The following PTPRG variants were observed in gnomAD, a reference collection of about 807,000 sequenced individuals.
PTPRG encodes protein tyrosine phosphatase receptor type G.
PTPRG carries 102 observed loss-of-function variants against 165.3 expected under a neutral mutation model. The ratio of observed to expected loss-of-function variants is 0.62; its 90% CI spans 0.53 to 0.73. PTPRG has a LOEUF of 0.73. Ranked by LOEUF, PTPRG falls within the 30% of genes least tolerant of loss-of-function variation. PTPRG has a pLI of 0.00. For synonymous variants in PTPRG, 675 were observed against 669.5 expected (o/e 1.01, Z -0.13); for missense variants, 1,866 against 1,861.4 (o/e 1.00, Z -0.05).
At chr3:62,020,287 G>T (rs935648091) in intron 4 of PTPRG, among the ~76,000 whole-genome samples, 3 of 152,034 alleles carry the variant, frequency 2.0e-5, no homozygotes, top group African/African-American at 7.2e-5. Context: ...GCATTCTACA[G>T]ATTTTTCACA....
At chr3:62,199,566 G>T (rs1192396177) in intron 10 of PTPRG, among the ~76,000 whole-genome samples, 1 of 152,082 alleles carries the variant, frequency 6.6e-6, no homozygotes, top group Non-Finnish European at 1.5e-5. Context: ...AATATTGGTG[G>T]CAAATTCTGT....
chr3:61,733,334 G>T (rs540388932), intron 1 of PTPRG, among the ~76,000 whole-genome samples: 1 of 152,032 alleles, frequency 6.6e-6, no homozygotes, highest in East Asian at 1.9e-4. Context: ...CTTCCTTTCC[G>T]TTTCTCTATC....
intron 1 of PTPRG, among the ~76,000 whole-genome samples, chr3:61,661,949 T>C (rs1702680544): frequency 6.6e-6 from 1 of 152,074 alleles, no homozygotes; most frequent in Admixed American, 6.6e-5. Context: ...TCATCAAGTA[T>C]TTTTTTTCTT....
At chr3:61,936,610 A>C (rs1250184511) in intron 2 of PTPRG, among the ~76,000 whole-genome samples, 2 of 152,176 alleles carry the variant, frequency 1.3e-5, no homozygotes, top group Admixed American at 6.5e-5. Flanking sequence ...CTGTGTGTTG[A>C]GATGGGCTAA....
intron 9 of PTPRG, among the ~76,000 whole-genome samples, chr3:62,194,546 G>C (rs1699913188): frequency 6.6e-6 from 1 of 152,316 alleles, no homozygotes; most frequent in African/African-American, 2.4e-5. Flanking sequence ...GGGCAGGCAG[G>C]GTGGCTCACG....
intron 2 of PTPRG, among the ~76,000 whole-genome samples, chr3:61,976,652 C>A (rs2040513445): frequency 6.6e-6 from 1 of 151,652 alleles, no homozygotes; most frequent in African/African-American, 2.4e-5. Flanking sequence ...TATAACATCA[C>A]ATGGAAAAGA....
intron 2 of PTPRG, among the ~76,000 whole-genome samples, chr3:61,978,553 A>G (rs1355668771): frequency 2.6e-5 from 4 of 152,196 alleles, no homozygotes; most frequent in Admixed American, 6.5e-5. Context: ...ATTCTTTCGT[A>G]TTATAAACAT....
At chr3:62,073,520 C>T (rs982100070) in intron 4 of PTPRG, among the ~76,000 whole-genome samples, 2 of 151,992 alleles carry the variant, frequency 1.3e-5, no homozygotes, top group Admixed American at 6.6e-5. Flanking sequence ...ACTCTGTTGC[C>T]GAGGCTGGAG....
chr3:62,154,837 C>A (rs1263792461), intron 6 of PTPRG, among the ~76,000 whole-genome samples: 1 of 152,174 alleles, frequency 6.6e-6, no homozygotes, highest in African/African-American at 2.4e-5. Context: ...AGTTCACCTA[C>A]AACATGAGGG....
At chr3:61,762,158 C>G (rs1248755087) in intron 2 of PTPRG, among the ~76,000 whole-genome samples, 1 of 152,172 alleles carries the variant, frequency 6.6e-6, no homozygotes, top group African/African-American at 2.4e-5. Context: ...GGTCCACACT[C>G]TCCTCTTGGG....
intron 17 of PTPRG, among the ~76,000 whole-genome samples, chr3:62,264,842 A>G (rs551645441): frequency 6.6e-6 from 1 of 152,090 alleles, no homozygotes; most frequent in African/African-American, 2.4e-5. Flanking sequence ...TGGTAATTCT[A>G]TGTTTAAAAT....
chr3:62,239,341 CTTTCTTTCTTT>C (rs1278856656), intron 14 of PTPRG, among the ~76,000 whole-genome samples: 44 of 144,496 alleles, frequency 3.0e-4, no homozygotes, highest in East Asian at 1.6e-3. Context: ...TTTTTTCTTT[CTTTCTTTCTTT>C]TTTCTTTCTT....
intron 2 of PTPRG, among the ~76,000 whole-genome samples, chr3:61,798,861 A>C (rs145970330): frequency 1.3e-5 from 2 of 152,008 alleles, no homozygotes; most frequent in Admixed American, 1.3e-4. Flanking sequence ...AACAGACCAG[A>C]GGCATGGTGA....
Position 62,157,238 on chromosome 3 carries a change from C to A in PTPRG, c.840+14C>A. Reference sequence around the variant, plus strand: ...TCTTACCATCAGGTAGATATTCTTCCTCAAGTGGGGTTTCTGTGTTTACTT... The same window carrying A: ...TCTTACCATCAGGTAGATATTCTTCATCAAGTGGGGTTTCTGTGTTTACTT... On this transcript the variant is annotated intron_variant, in intron 7 of 29. Transcript: ENST00000474889. 1 of 1,609,984 alleles carries A rather than the reference C, an allele frequency of 6.2e-7. No homozygotes were observed.
chr3:61,748,823 C>T (rs1318378669), intron 1 of PTPRG, 55 bp from the exon 2 acceptor site: 2 of 1,440,150 alleles, frequency 1.4e-6, no homozygotes, highest in East Asian at 2.3e-5. Flanking sequence ...TGACACCCTT[C>T]CTGTATCCAG....
intron 2 of PTPRG, among the ~76,000 whole-genome samples, chr3:61,909,073 T>G (rs1334263046): frequency 6.6e-6 from 1 of 152,216 alleles, no homozygotes; most frequent in Non-Finnish European, 1.5e-5. Flanking sequence ...ACTGGGTACT[T>G]TTAATGGCAA....
At chr3:62,023,640 T>G (rs2041747917) in intron 4 of PTPRG, among the ~76,000 whole-genome samples, 1 of 152,162 alleles carries the variant, frequency 6.6e-6, no homozygotes. Flanking sequence ...CAAAAATGGC[T>G]AAATTTAGAT....
At chr3:61,626,117 A>G (rs1469060941) in intron 1 of PTPRG, among the ~76,000 whole-genome samples, 2 of 152,048 alleles carry the variant, frequency 1.3e-5, no homozygotes, top group Non-Finnish European at 2.9e-5. Flanking sequence ...GCTGAATAGG[A>G]ATCAAGAGTG....
At chr3:61,924,790 G>T (rs976335921) in intron 2 of PTPRG, among the ~76,000 whole-genome samples, 1 of 152,202 alleles carries the variant, frequency 6.6e-6, no homozygotes, top group Non-Finnish European at 1.5e-5. Context: ...TGTCATTGTA[G>T]TAAAAAAGCA....
Sources: gnomAD v4.1 joint callset for allele counts (sites outside exome capture counted in the v4.1 genomes callset) on GRCh38, gnomAD v4.1.1 for gene constraint, MANE v1.5 for transcripts, NCBI Gene and HGNC (gene_info 2026-07-23, HGNC 2026-07-21) for gene names.